Variants in ERBB4 observed in about 807,000 individuals in gnomAD.
ERBB4 encodes the protein receptor tyrosine-protein kinase erbB-4.
A neutral mutation model predicts 158.0 loss-of-function variants in ERBB4; 42 were observed. The ratio of observed to expected loss-of-function variants is 0.27; its 90% CI spans 0.21 to 0.34. The LOEUF (loss-of-function observed/expected upper bound fraction) is 0.34, where lower values mean the gene tolerates loss of function less well. ERBB4 is among the 10% of genes least tolerant of loss of function. The pLI is 1.00. For synonymous variants in ERBB4, 583 were observed against 558.7 expected (o/e 1.04, Z -0.61); for missense variants, 1,333 against 1,624.1 (o/e 0.82, Z 3.08).
intron 18 of ERBB4, among the ~76,000 whole-genome samples, chr2:211,621,742 C>CGT (rs1324397113): frequency 6.6e-6 from 1 of 152,048 alleles, no homozygotes; most frequent in African/African-American, 2.4e-5. Context: ...AATGGAAGTA[C>CGT]GTTATAATAC....
chr2:212,372,476 G>A (rs1847672), intron 1 of ERBB4, among the ~76,000 whole-genome samples: 8,480 of 152,098 alleles, frequency 0.056, 441 homozygotes, highest in African/African-American at 0.13. Flanking sequence ...CTGGCCAGGC[G>A]CGGTGGCTCA....
intron 1 of ERBB4, among the ~76,000 whole-genome samples, chr2:212,233,990 ATTAT>A (rs1409852821): frequency 1.3e-5 from 2 of 148,490 alleles, no homozygotes; most frequent in Non-Finnish European, 3.0e-5. Context: ...TATTATTATT[ATTAT>A]TATTATTATG....
At chr2:211,627,769 T>C (rs2069919276) in intron 17 of ERBB4, among the ~76,000 whole-genome samples, 1 of 152,154 alleles carries the variant, frequency 6.6e-6, no homozygotes, top group Non-Finnish European at 1.5e-5. Context: ...AGGAGAAAGG[T>C]AAGATGGAAG....
At chr2:212,380,677 T>C (rs1292961638) in intron 1 of ERBB4, among the ~76,000 whole-genome samples, 1 of 151,046 alleles carries the variant, frequency 6.6e-6, no homozygotes, top group Non-Finnish European at 1.5e-5. Flanking sequence ...TATTTATGTA[T>C]ATATTTTCTC....
chr2:211,458,141 C>G (rs1362812450), intron 20 of ERBB4, among the ~76,000 whole-genome samples: 2 of 125,232 alleles, frequency 1.6e-5, no homozygotes, highest in Non-Finnish European at 3.6e-5. Flanking sequence ...ACCTCCTGCT[C>G]TGGGGATTCC....
At chr2:211,669,799 G>C (rs895409932) in intron 14 of ERBB4, among the ~76,000 whole-genome samples, 11 of 152,148 alleles carry the variant, frequency 7.2e-5, no homozygotes, top group Non-Finnish European at 1.6e-4. Context: ...AAAAAACTGA[G>C]ATGTACGAGA....
chr2:212,010,491 G>A (rs534726370), intron 2 of ERBB4, among the ~76,000 whole-genome samples: 1 of 151,984 alleles, frequency 6.6e-6, no homozygotes, highest in African/African-American at 2.4e-5. Flanking sequence ...TGCTTCAAAG[G>A]GCAAAAAGCA....
intron 5 of ERBB4, among the ~76,000 whole-genome samples, chr2:211,735,136 TA>T (rs1055525981): frequency 1.3e-5 from 2 of 151,816 alleles, no homozygotes; most frequent in African/African-American, 4.8e-5. Flanking sequence ...AATCACTTTA[TA>T]AAAAAATGTA....
intron 3 of ERBB4, among the ~76,000 whole-genome samples, chr2:211,881,602 C>T (rs2371345): frequency 0.035 from 4,825 of 137,174 alleles, 148 homozygotes; most frequent in South Asian, 0.066. Flanking sequence ...GGGTGGGGGT[C>T]GGGGGGGCTG....
chr2:212,518,218 G>A lies in ERBB4; in HGVS notation c.82+20231C>T, dbSNP rs73069038. On this transcript the variant is annotated intron_variant, in intron 1 of 27. Coordinates refer to ENST00000342788, the MANE Select transcript of ERBB4 (RefSeq NM_005235.3). ...TTCTAGATAAGCACAATAAGCACAC[G>A]TCAGCTTGCAGTTTTCAAGGGACAT... Among the ~76,000 whole-genome samples, 1,275 of 152,024 alleles carry A rather than the reference G, an allele frequency of 8.4e-3. 10 individuals are homozygous for A. Among genetic ancestry groups the A allele is most frequent in the African/African-American group, 0.028 (1,175 of 41,504 alleles).
intron 2 of ERBB4, among the ~76,000 whole-genome samples, chr2:212,043,530 T>G (rs904773186): frequency 6.6e-6 from 1 of 152,136 alleles, no homozygotes; most frequent in African/African-American, 2.4e-5. Context: ...GGATTTCAGA[T>G]AAAATGTTAG....
intron 20 of ERBB4, among the ~76,000 whole-genome samples, chr2:211,514,999 A>T (rs2065986387): frequency 6.6e-6 from 1 of 152,158 alleles, no homozygotes; most frequent in South Asian, 2.1e-4. Context: ...TACAGTACGA[A>T]ATGAAAAAGG....
intron 1 of ERBB4, among the ~76,000 whole-genome samples, chr2:212,299,258 C>G (rs10755025): frequency 6.6e-6 from 1 of 151,410 alleles, no homozygotes; most frequent in African/African-American, 2.4e-5. Context: ...CATAATGACA[C>G]CAATTACTTT....
intron 2 of ERBB4, among the ~76,000 whole-genome samples, chr2:211,994,958 C>G (rs1287882872): frequency 6.6e-6 from 1 of 152,118 alleles, no homozygotes; most frequent in Non-Finnish European, 1.5e-5. Context: ...GCTATTAAGG[C>G]CTGACATTCT....
intron 2 of ERBB4, among the ~76,000 whole-genome samples, chr2:212,078,417 T>C (rs1342528606): frequency 6.6e-6 from 1 of 152,022 alleles, no homozygotes; most frequent in Non-Finnish European, 1.5e-5. Flanking sequence ...TGAAACAGCG[T>C]AGATAATATC....
At chr2:211,387,462 C>T (rs1370476272) in intron 26 of ERBB4, among the ~76,000 whole-genome samples, 1 of 152,064 alleles carries the variant, frequency 6.6e-6, no homozygotes, top group Non-Finnish European at 1.5e-5. Context: ...ATACAAATTT[C>T]AAAGTGAATT....
At chr2:212,439,616 A>G (rs778274760) in intron 1 of ERBB4, among the ~76,000 whole-genome samples, 2 of 152,184 alleles carry the variant, frequency 1.3e-5, no homozygotes, top group Non-Finnish European at 2.9e-5. Flanking sequence ...TAGGTATGAA[A>G]CTTACAAAAT....
At chr2:212,533,987 G>A (rs1353567183) in intron 1 of ERBB4, among the ~76,000 whole-genome samples, 1 of 152,152 alleles carries the variant, frequency 6.6e-6, no homozygotes, top group Non-Finnish European at 1.5e-5. Flanking sequence ...AAATTAAACA[G>A]AGCAAGTACC....
chr2:211,495,643 T>C (rs530869091), intron 20 of ERBB4, among the ~76,000 whole-genome samples: 1 of 152,040 alleles, frequency 6.6e-6, no homozygotes, highest in Admixed American at 6.5e-5. Context: ...TTTTCCTCTC[T>C]ACTAGGCACA....
Sources: allele counts gnomAD v4.1 joint callset (sites outside exome capture counted in the v4.1 genomes callset), GRCh38; gene constraint gnomAD v4.1.1; transcripts MANE v1.5; gene names NCBI Gene and HGNC (gene_info 2026-07-23, HGNC 2026-07-21).